The following TSHZ3 variants were observed in gnomAD, a reference collection of about 807,000 sequenced individuals.
TSHZ3 encodes the protein teashirt zinc finger homeobox 3, also known as teashirt homolog 3.
TSHZ3 carries 10 observed loss-of-function variants against 64.5 expected under a neutral mutation model. The observed-to-expected ratio is 0.16, with a 90% confidence interval of 0.10 to 0.26. TSHZ3 has a LOEUF of 0.26. Among genes scored for constraint, TSHZ3 ranks in the 10% least tolerant of loss-of-function variants. TSHZ3 has a pLI of 1.00. For missense variants in TSHZ3, 1,242 were observed against 1,421.7 expected (o/e 0.87, Z 2.03); for synonymous variants, 608 against 593.1 (o/e 1.03, Z -0.36).
At chr19:31,335,907 T>C (rs1917228708) in intron 1 of TSHZ3, among the ~76,000 whole-genome samples, 1 of 152,190 alleles carries the variant, frequency 6.6e-6, no homozygotes, top group Non-Finnish European at 1.5e-5. Flanking sequence ...CTGGGACTCT[T>C]GGCAAAAAAT....
At chr19:31,226,141 G>A (rs1975457727) in intron 4 of TSHZ3, among the ~76,000 whole-genome samples, 1 of 147,296 alleles carries the variant, frequency 6.8e-6, no homozygotes, top group South Asian at 2.1e-4. Flanking sequence ...AAAAAAAAAA[G>A]CAATGTGTCC....
chr19:31,167,827 C>T (rs1289884548), intron 5 of TSHZ3: 2 of 152,202 alleles, frequency 1.3e-5, no homozygotes, highest in African/African-American at 4.8e-5. Context: ...GGCGTTTTTG[C>T]TCTAAGGTAA....
chr19:31,257,394 T>C (rs998242603), intron 1 of TSHZ3, among the ~76,000 whole-genome samples: 3 of 152,070 alleles, frequency 2.0e-5, no homozygotes, highest in African/African-American at 7.2e-5. Flanking sequence ...AAACAGTATA[T>C]GTGAGTAGTT....
At position 31,216,146 on chromosome 19, in the gene TSHZ3, A is replaced by G. The variant is rs770196231; in HGVS notation, n.687-11068T>C. On this transcript the variant is annotated intron_variant and non_coding_transcript_variant, in intron 4 of 6. Transcript: ENST00000651361. ...ATCAATGGTATAAGTGTATACAAGA[A>G]ATATAATTCTTTATGATGGTGTTAT... 5.4e-4 allele frequency among the ~76,000 whole-genome samples: 82 copies of G among 152,116 alleles called. 4 individuals are homozygous for G. Among genetic ancestry groups the G allele is most frequent in the Non-Finnish European group, 4.0e-4 (27 of 68,030 alleles).
In TSHZ3 at chr19:31,279,732, T is replaced by G; in HGVS notation, c.61A>C (p.Lys21Gln). ...CCTTCGTCCACCAGGGCAGCAGCCT[T>G]TAACTCTTCGGAAACATAGGCTGCC... ...RAAAYVSEELKAAALVDEGLD... is the reference protein window; with the variant it reads ...RAAAYVSEELQAAALVDEGLD... Residue 21 changes from lysine to glutamine, a missense_variant, in exon 2 of 2, where the codon AAG becomes CAG. Lys to Gln is a moderately conservative substitution (Grantham distance 53). Coordinates refer to ENST00000240587, the MANE Select transcript of TSHZ3 (RefSeq NM_020856.4). The surrounding 1 kb of genome is among the most constrained non-coding windows in gnomAD (Gnocchi z 6.4). The G allele has an allele frequency of 6.6e-7, 1 of 1,508,604 alleles. No individual in the cohort carries two copies. The highest frequency in any genetic ancestry group is 8.9e-7 in the Non-Finnish European group (1 of 1,128,398). 93.5% of individuals were successfully genotyped at this position (1,508,604 alleles called of 1,614,324 possible).
At chr19:31,271,146 C>T (rs1976130583), downstream of TSHZ3, among the ~76,000 whole-genome samples, 1 of 152,144 alleles carries the variant, frequency 6.6e-6, no homozygotes, top group African/African-American at 2.4e-5. Flanking sequence ...CGCTAACCAA[C>T]AATTTGGCTA....
downstream of TSHZ3, among the ~76,000 whole-genome samples, chr19:31,271,756 C>G (rs16965368): frequency 6.6e-6 from 1 of 152,190 alleles, no homozygotes; most frequent in Non-Finnish European, 1.5e-5. Flanking sequence ...AAAGATTACA[C>G]GTGCTCACTA....
At chr19:31,304,933 T>C (rs1197104285) in intron 1 of TSHZ3, among the ~76,000 whole-genome samples, 1 of 152,254 alleles carries the variant, frequency 6.6e-6, no homozygotes, top group Non-Finnish European at 1.5e-5. Flanking sequence ...GGGGTTTGAT[T>C]GCTTCCTTTG....
chr19:31,246,853 C>A (rs1482487602), intron 1 of TSHZ3, among the ~76,000 whole-genome samples: 1 of 151,704 alleles, frequency 6.6e-6, no homozygotes, highest in Non-Finnish European at 1.5e-5. Context: ...ACTTCTGGTC[C>A]CAAAAAGTAA....
At chr19:31,158,592 T>C (rs1184163692) in intron 5 of TSHZ3, among the ~76,000 whole-genome samples, 1 of 152,152 alleles carries the variant, frequency 6.6e-6, no homozygotes, top group African/African-American at 2.4e-5. Flanking sequence ...TTGGGGATGG[T>C]TTCAGGATGA....
upstream of TSHZ3, chr19:31,349,611 C>CT (rs1038792688): frequency 6.0e-6 from 1 of 167,864 alleles, no homozygotes; most frequent in African/African-American, 2.5e-5. Context: ...CCCTGCCCCC[C>CT]CCCGCCCCGT....
chr19:31,344,649 TA>T lies in TSHZ3; in HGVS notation c.40+4530del, dbSNP rs1466031014. On this transcript the variant is annotated intron_variant, in intron 1 of 1. Coordinates refer to ENST00000240587, the MANE Select transcript of TSHZ3 (RefSeq NM_020856.4). ...CAGCCTGACTCTGGCAGGACACGTGTAAAAGAGAAAGCACCACAAGAGGTCC... is the reference window on the plus strand; with the variant it reads ...CAGCCTGACTCTGGCAGGACACGTGTAAAGAGAAAGCACCACAAGAGGTCC... Among the ~76,000 whole-genome samples the T allele has an allele frequency of 5.9e-5, 9 of 152,310 alleles. No homozygotes were observed. The East Asian group carries it at 1.7e-3, about 29-fold the overall frequency.
intron 5 of TSHZ3, among the ~76,000 whole-genome samples, chr19:31,183,080 T>C (rs1974742605): frequency 6.6e-6 from 1 of 152,070 alleles, no homozygotes; most frequent in African/African-American, 2.4e-5. Context: ...GGATCTGAAC[T>C]ACAACATCAA....
chr19:31,329,053 T>C (rs1268749761), intron 1 of TSHZ3, among the ~76,000 whole-genome samples: 1 of 152,216 alleles, frequency 6.6e-6, no homozygotes, highest in Admixed American at 6.5e-5. Context: ...TTACAGAAAA[T>C]GAAATGCTCA....
At chr19:31,202,249 CA>C (rs764312451) in intron 5 of TSHZ3, among the ~76,000 whole-genome samples, 8 of 151,702 alleles carry the variant, frequency 5.3e-5, no homozygotes, top group Non-Finnish European at 1.0e-4. Flanking sequence ...AAATAATTCA[CA>C]AAAAAATAAC....
At chr19:31,325,697 G>A (rs1916913006) in intron 1 of TSHZ3, among the ~76,000 whole-genome samples, 1 of 152,196 alleles carries the variant, frequency 6.6e-6, no homozygotes, top group African/African-American at 2.4e-5. Context: ...AAGGATGTAA[G>A]TGGAAGGACA....
At chr19:31,214,090 A>ACCAG (rs554236763) in intron 4 of TSHZ3, among the ~76,000 whole-genome samples, 48 of 152,304 alleles carry the variant, frequency 3.2e-4, no homozygotes, top group African/African-American at 1.1e-3. Context: ...ACCCGTCGGG[A>ACCAG]CCAGTCCTTC....
At chr19:31,264,405 C>G (rs62101255) in intron 1 of TSHZ3, among the ~76,000 whole-genome samples, 1 of 152,144 alleles carries the variant, frequency 6.6e-6, no homozygotes. Flanking sequence ...TTTTTTTCCC[C>G]ATCTGCCTCC....
At chr19:31,204,009 C>A (rs150126431) in intron 5 of TSHZ3, among the ~76,000 whole-genome samples, 2 of 152,082 alleles carry the variant, frequency 1.3e-5, no homozygotes, top group African/African-American at 2.4e-5. Flanking sequence ...AAGCAAACAC[C>A]TTCACATGGC....
Sources: allele counts gnomAD v4.1 joint callset (sites outside exome capture counted in the v4.1 genomes callset), GRCh38; gene constraint gnomAD v4.1.1; non-coding constraint Gnocchi (gnomAD v3.1); transcripts MANE v1.5; gene names NCBI Gene and HGNC (gene_info 2026-07-23, HGNC 2026-07-21).